The following ANKRD26 variants were observed in gnomAD, a reference collection of about 807,000 sequenced individuals.
ANKRD26 encodes the protein ankyrin repeat domain 26.
A neutral mutation model predicts 208.7 loss-of-function variants in ANKRD26; 141 were observed. That is an observed-to-expected ratio of 0.68 (90% confidence interval 0.59 to 0.78). ANKRD26 has a LOEUF of 0.78. ANKRD26 is among the 30% of genes least tolerant of loss of function. ANKRD26 has a pLI of 0.00. For synonymous variants in ANKRD26, 636 were observed against 660.4 expected, an observed-to-expected ratio of 0.96 and a Z score of 0.57; for missense variants, 1,889 against 1,938.7, an observed-to-expected ratio of 0.97 and a Z score of 0.48.
At chr10:26,986,682 C>T (rs2052393918) in intron 3 of ANKRD26, among the ~76,000 whole-genome samples, 3 of 152,156 alleles carry the variant, frequency 2.0e-5, no homozygotes, top group Admixed American at 2.0e-4. Flanking sequence ...TGAAAAAATG[C>T]TCATCATCAC....
chr10:26,995,756 C>T (rs979191270), intron 4 of ANKRD26, among the ~76,000 whole-genome samples: 8 of 152,174 alleles, frequency 5.3e-5, no homozygotes, highest in African/African-American at 1.9e-4. Flanking sequence ...TCTTGAGACA[C>T]CTTGTCCCTT....
chr10:27,100,261 G>A lies in ANKRD26; in HGVS notation c.66C>T (p.Ser22=). 2 of 1,610,988 alleles carry A rather than the reference G, an allele frequency of 1.2e-6. No homozygotes were observed. Among genetic ancestry groups the A allele is most frequent in the Non-Finnish European group, 1.7e-6 (2 of 1,179,348 alleles). Residue 22 remains serine (S), a synonymous_variant, in exon 1 of 34, where the codon AGC becomes AGT. Transcript: ENST00000376087. The stretch of plus-strand genomic sequence containing the variant: ...CCGGCTCGCCCCCGCCTCCCGCGCT[G>A]CTCCTCTGCCGCCGCGCGAAGGAGC... ...PLGSFARRQR[S]SAGGGGEPGE...
At chr10:27,082,960 T>C (rs989511349) in intron 5 of ANKRD26, 127 bp from the exon 6 acceptor site, 7 of 1,283,462 alleles carry the variant, frequency 5.5e-6, no homozygotes, top group Non-Finnish European at 7.4e-6. Flanking sequence ...TATAATAGAA[T>C]TAATATCCTC....
intron 32 of ANKRD26, among the ~76,000 whole-genome samples, chr10:27,007,784 T>C (rs2052944013): frequency 6.6e-6 from 1 of 152,222 alleles, no homozygotes; most frequent in Non-Finnish European, 1.5e-5. Flanking sequence ...GCTATTATAA[T>C]GTCATGTGAA....
At chr10:26,979,016 A>C (rs1283817160) in intron 5 of ANKRD26, among the ~76,000 whole-genome samples, 1 of 152,124 alleles carries the variant, frequency 6.6e-6, no homozygotes, top group Non-Finnish European at 1.5e-5. Flanking sequence ...AGGTCAGTAG[A>C]TCGAGACCAT....
At chr10:27,095,232 T>C (rs749597825) in intron 1 of ANKRD26, among the ~76,000 whole-genome samples, 1 of 152,204 alleles carries the variant, frequency 6.6e-6, no homozygotes, top group African/African-American at 2.4e-5. Context: ...AATGAATAGG[T>C]TGGCTCATTT....
chr10:27,010,123 C>T (rs116084417), intron 32 of ANKRD26, among the ~76,000 whole-genome samples: 5,713 of 152,178 alleles, frequency 0.038, 113 homozygotes, highest in African/African-American at 0.043. Flanking sequence ...TAGTTTCATG[C>T]CATTTTTTAA....
intron 25 of ANKRD26, among the ~76,000 whole-genome samples, chr10:27,031,880 A>G (rs1353715018): frequency 1.8e-4 from 27 of 152,238 alleles, no homozygotes; most frequent in Non-Finnish European, 5.9e-5. Context: ...AAATTAACCT[A>G]AAACATTTGC....
In ANKRD26 at chr10:27,024,698, A is replaced by C. The variant is rs193015881; in HGVS notation, c.3973-139T>G. 7.4e-4 allele frequency: 346 copies of C among 464,968 alleles called. 1 individual carries two copies. Among genetic ancestry groups the C allele is most frequent in the African/African-American group, 6.4e-3 (320 of 50,388 alleles). 28.8% of individuals were successfully genotyped at this position (464,968 alleles called of 1,614,324 possible). A position where few individuals can be genotyped will look rare whatever the true frequency, so the allele number is the denominator to read the frequency against. ...GTTTATAAACCTAATGGCAATAAGA[A>C]CGGATTTGAAAAAATGACTTTTCTT... On this transcript the variant is annotated intron_variant, in intron 27 of 33. Transcript: ENST00000376087.
chr10:27,017,417 G>T, intron 30 of ANKRD26, 85 bp downstream of exon 30: 1 of 1,399,596 alleles, frequency 7.1e-7, no homozygotes, highest in Non-Finnish European at 1.0e-6. Context: ...TTGCTATAAG[G>T]GATGTAGAGG....
intron 27 of ANKRD26, among the ~76,000 whole-genome samples, chr10:27,026,986 A>G (rs1206036671): frequency 6.6e-6 from 1 of 152,230 alleles, no homozygotes; most frequent in African/African-American, 2.4e-5. Flanking sequence ...GGGTTTTGCC[A>G]TGTTGGCCAG....
Position 27,035,486 on chromosome 10 carries a change from T to C in ANKRD26, c.2964A>G (p.Leu988=), listed in dbSNP as rs1404270345. The part of the protein sequence containing the change: ...LSVLTAENAM[L]NSKLENEKQS... The stretch of plus-strand genomic sequence containing the variant: ...GCTTTTCATTCTCCAGTTTAGAATT[T>C]AGCATTGCATTCTCAGCTGTCAGAA... Residue 988 remains leucine (L), a synonymous_variant, in exon 24 of 34, where the codon CTA becomes CTG. Transcript: ENST00000376087. 12 of 1,613,960 alleles carry C rather than the reference T, an allele frequency of 7.4e-6. No homozygotes were observed. The highest frequency in any genetic ancestry group is 1.7e-5 in the Admixed American group (1 of 60,004).
chr10:26,954,241 T>C, the ANKRD26 span, among the ~76,000 whole-genome samples: 1 of 152,184 alleles, frequency 6.6e-6, no homozygotes, highest in African/African-American at 2.4e-5. Flanking sequence ...GTAACTGATA[T>C]TTAATTCACT....
rs370455760 is a variant in ANKRD26, at chr10:27,056,738, T to C, written c.1565-3348A>G. 6.8e-4 allele frequency among the ~76,000 whole-genome samples: 104 copies of C among 152,012 alleles called. 2 individuals carry two copies. The East Asian group carries it at 8.6e-3, about 13-fold the overall frequency. On this transcript the variant is annotated intron_variant, in intron 15 of 33. Transcript: ENST00000376087. ...GTTGTAGTGAGCTGAGATCATGCCA[T>C]TGCACTCCAGCTTGGGCAGCAAGAA...
chr10:27,057,455 C>A (rs1006665456), intron 15 of ANKRD26, among the ~76,000 whole-genome samples: 3 of 152,054 alleles, frequency 2.0e-5, no homozygotes, highest in Non-Finnish European at 2.9e-5. Context: ...TTATGTCTAA[C>A]CATTTTAGGT....
chr10:26,985,676 A>C (rs1309035105), intron 3 of ANKRD26, among the ~76,000 whole-genome samples: 1 of 152,154 alleles, frequency 6.6e-6, no homozygotes, highest in African/African-American at 2.4e-5. Context: ...TTTTTGAATG[A>C]CTTCTAACAG....
At chr10:26,972,114 A>G (rs556372932), downstream of ANKRD26, among the ~76,000 whole-genome samples, 27 of 152,042 alleles carry the variant, frequency 1.8e-4, no homozygotes, top group Admixed American at 7.2e-4. Context: ...GGGCGCCTGT[A>G]GTCCCAGCTA....
At chr10:26,976,572 C>G (rs1206858050) in intron 5 of ANKRD26, among the ~76,000 whole-genome samples, 1 of 152,132 alleles carries the variant, frequency 6.6e-6, no homozygotes, top group Admixed American at 6.6e-5. Context: ...ATGTCTTCCT[C>G]TAGGTCAGAG....
Position 27,093,494 on chromosome 10 carries a change from G to C in ANKRD26, c.386C>G (p.Ala129Gly), listed in dbSNP as rs768080714. ...AGCACCATGTTCTAGCAGAATAGTTGCACATTTCTCTTCCTGGCATTGTAC... is the reference window on the plus strand; with the variant it reads ...AGCACCATGTTCTAGCAGAATAGTTCCACATTTCTCTTCCTGGCATTGTAC... ...KAVQCQEEKC[A>G]TILLEHGADP... Residue 129 changes from alanine (A) to glycine (G), a missense_variant, in exon 3 of 34, where the codon GCA (alanine) becomes GGA (glycine). Transcript: ENST00000376087. 5 of 1,614,038 alleles carry C rather than the reference G, an allele frequency of 3.1e-6. No individual in the cohort carries two copies. In the South Asian group the frequency reaches 5.5e-5, roughly 18 times the overall value.
Sources: gnomAD v4.1 joint callset for allele counts (sites outside exome capture counted in the v4.1 genomes callset) on GRCh38, gnomAD v4.1.1 for gene constraint, MANE v1.5 for transcripts, NCBI Gene and HGNC (gene_info 2026-07-23, HGNC 2026-07-21) for gene names.